The following KIF17 variants were observed in gnomAD, a reference collection of about 807,000 sequenced individuals.
KIF17 encodes the protein kinesin family member 17.
A neutral mutation model predicts 96.8 loss-of-function variants in KIF17; 80 were observed. The observed-to-expected ratio is 0.83, with a 90% CI of 0.69 to 1.00. The LOEUF (loss-of-function observed/expected upper bound fraction) is 1.00. Ranked by LOEUF, KIF17 falls within the 50% of genes least tolerant of loss-of-function variation. The probability of loss-of-function intolerance (pLI) is 0.00; values close to 1 mark genes in which losing one functional copy is unlikely to be tolerated. For missense variants in KIF17, 1,280 were observed against 1,372.9 expected (o/e 0.93, Z 1.07); for synonymous variants, 567 against 587.5 (o/e 0.97, Z 0.51).
Position 20,671,810 on chromosome 1 carries a change from C to T in KIF17, c.2722+128G>A, listed in dbSNP as rs2053651749. 9 of 1,152,326 alleles carry T rather than the reference C, an allele frequency of 7.8e-6. No individual in the cohort carries two copies. In the South Asian group the frequency reaches 1.3e-4, roughly 16 times the overall value. The allele number at this position is 1,152,326 out of a possible 1,614,324, so 71.4% of individuals were successfully genotyped here. On this transcript the variant is annotated intron_variant, in intron 12 of 14. Coordinates refer to ENST00000400463, the MANE Select transcript of KIF17 (RefSeq NM_001122819.3). ...CCACTTTCTCAGAGTCCTGACGCAT[C>T]AGGTACCCAGGGTCACGTGTCTTCT...
chr1:20,705,579 C>T (rs67962597), intron 4 of KIF17, among the ~76,000 whole-genome samples: 5,005 of 152,330 alleles, frequency 0.033, 125 homozygotes, highest in Middle Eastern at 0.048. Context: ...TCCACAGACA[C>T]GCTTTGAAGA....
chr1:20,670,821 C>A (rs2053635927), intron 12 of KIF17, among the ~76,000 whole-genome samples: 2 of 152,130 alleles, frequency 1.3e-5, no homozygotes, highest in African/African-American at 4.8e-5. Flanking sequence ...CAATAAACAT[C>A]AGAGATGTTG....
At chr1:20,705,940 ACT>A (rs2054334345) in intron 4 of KIF17, among the ~76,000 whole-genome samples, 1 of 113,872 alleles carries the variant, frequency 8.8e-6, no homozygotes, top group Non-Finnish European at 1.6e-5. Context: ...ACAGGGTCTC[ACT>A]CTGTCGCCCA....
In KIF17 at chr1:20,672,905, G is replaced by C. The variant is rs929975324; in HGVS notation, c.2464-709C>G. 6.3e-6 allele frequency: 1 copy of C among 158,216 alleles called. No homozygotes were observed. The highest frequency in any genetic ancestry group is 2.4e-5 in the African/African-American group (1 of 41,462). The allele number at this position is 158,216 out of a possible 1,614,324, so 9.8% of individuals were successfully genotyped here. A position where few individuals can be genotyped will look rare whatever the true frequency, so the allele number is the denominator to read the frequency against. On this transcript the variant is annotated intron_variant, in intron 11 of 14. Coordinates refer to ENST00000400463, the MANE Select transcript of KIF17 (RefSeq NM_001122819.3). This position sits in a 1 kb window ranked among gnomAD's most constrained non-coding sequence, Gnocchi z 4.3. Reference sequence around the variant, plus strand: ...CTGGTGCACAGTCTGTTTCCTCAAAGAGCAGGTACAGTCTGATTAGTAAAG... The same window carrying C: ...CTGGTGCACAGTCTGTTTCCTCAAACAGCAGGTACAGTCTGATTAGTAAAG...
At position 20,685,378 on chromosome 1, in the gene KIF17, C is replaced by T. The variant is rs1264942459; in HGVS notation, c.2020-358G>A. 4 of 429,884 alleles carry T rather than the reference C, an allele frequency of 9.3e-6. No homozygotes were observed. The highest frequency in any genetic ancestry group is 5.7e-5 in the East Asian group (1 of 17,614). 26.6% of individuals were successfully genotyped at this position (429,884 alleles called of 1,614,324 possible). On this transcript the variant is annotated intron_variant, in intron 9 of 14. Coordinates refer to ENST00000400463, the MANE Select transcript of KIF17 (RefSeq NM_001122819.3). This position sits in a 1 kb window ranked among gnomAD's most constrained non-coding sequence, Gnocchi z 4.1. ...CAGGAAAGTCCACTTTCCTCCCTGC[C>T]GGCTCCCTGCCTCCACGGCCTCCCC...
rs938046374 is a variant in KIF17 at position 20,700,050 on chromosome 1, G to A, written c.1124-1562C>T. On this transcript the variant is annotated intron_variant, in intron 5 of 14. Coordinates refer to ENST00000400463, the MANE Select transcript of KIF17 (RefSeq NM_001122819.3). This position sits in a 1 kb window ranked among gnomAD's most constrained non-coding sequence, Gnocchi z 4.6. ...TCAGTCTGGAGGGCAGCAGTGAACT[G>A]GCTGTAGCCAGTTTTTGTTTTGTTT... 1.3e-5 allele frequency among the ~76,000 whole-genome samples: 2 copies of A among 152,122 alleles called. No homozygotes were observed. Among genetic ancestry groups the A allele is most frequent in the African/African-American group, 4.8e-5 (2 of 41,430 alleles).
chr1:20,713,295 T>TA (rs1246468322), intron 3 of KIF17, among the ~76,000 whole-genome samples, 159 bp downstream of exon 3: 1 of 146,588 alleles, frequency 6.8e-6, no homozygotes, highest in Non-Finnish European at 1.5e-5. Flanking sequence ...TGCACCTGCC[T>TA]AAAAAAGTTT....
At chr1:20,688,044 G>GT (rs375133366) in intron 7 of KIF17, 100 bp from the exon 8 acceptor site, 16,715 of 859,264 alleles carry the variant, frequency 0.019, 55 homozygotes, top group African/African-American at 0.043. Context: ...TTTTTTGTTT[G>GT]TTTTTTTTTT....
rs764041281 is a variant in KIF17 at position 20,672,229 on chromosome 1, G to A, written c.2464-33C>T. ...CAAAGGATGACAAGCAGTGAGCAGG[G>A]AAAGATACCTCCCCTTCCATCTAAC... On this transcript the variant is annotated intron_variant, in intron 11 of 14. Transcript: ENST00000400463. This position sits in a 1 kb window ranked among gnomAD's most constrained non-coding sequence, Gnocchi z 4.3. The A allele has an allele frequency of 3.7e-6, 6 of 1,612,286 alleles. No homozygotes were observed. The African/African-American group carries it at 8.0e-5, about 22-fold the overall frequency.
intron 7 of KIF17, among the ~76,000 whole-genome samples, chr1:20,689,184 C>T (rs2053992339): frequency 6.6e-6 from 1 of 152,088 alleles, no homozygotes; most frequent in Admixed American, 6.6e-5. Context: ...CCACACAGTA[C>T]CCGGCACGTG....
chr1:20,691,206 C>A (rs1423930636), intron 6 of KIF17, among the ~76,000 whole-genome samples: 1 of 151,690 alleles, frequency 6.6e-6, no homozygotes, highest in Non-Finnish European at 1.5e-5. Context: ...GGCATGAGAC[C>A]ACTTGAACCT....
rs755255273 is a variant in KIF17 at position 20,713,541 on chromosome 1, A to G, written c.393T>C (p.Thr131=). The G allele has an allele frequency of 1.2e-6, 2 of 1,612,712 alleles. No homozygotes were observed. ...VFESVQCAEN[T]KFLVRASYLE... is the part of the protein sequence containing the mutation. ...GGTAGGAGGCCCGGACCAGGAACTT[A>G]GTGTTCTCTGCACACTGCAGGGAGT... Residue 131 remains threonine (T), a synonymous_variant, in exon 3 of 15, where the codon ACT becomes ACC. Coordinates refer to ENST00000400463, the MANE Select transcript of KIF17 (RefSeq NM_001122819.3).
At chr1:20,670,064 C>T (rs1125089) in intron 13 of KIF17, among the ~76,000 whole-genome samples, 138,491 of 150,774 alleles carry the variant, frequency 0.92, 64,310 homozygotes, top group Non-Finnish European at 0.99. Flanking sequence ...ATTACTGCTT[C>T]ATGAACCCTG....
At position 20,704,656 on chromosome 1, in the gene KIF17, T is replaced by C. The variant is rs1454417381; in HGVS notation, c.914A>G (p.Lys305Arg). ...CGACAGGCAGGCCACCATGAGCGTC[T>C]TGGTGTTGCCGCCCAGTGAGTCCTG... ...LLQDSLGGNT[K>R]TLMVACLSPA... The change falls in exon 5 of 15, where the codon AAG becomes AGG. Residue 305 changes from lysine (K) to arginine (R), a missense_variant. Physicochemically the swap from Lys to Arg is conservative, Grantham distance 26 (BLOSUM62 2). Coordinates refer to ENST00000400463, the MANE Select transcript of KIF17 (RefSeq NM_001122819.3). This position sits in a 1 kb window ranked among gnomAD's most constrained non-coding sequence, Gnocchi z 6.8. 1.9e-6 allele frequency: 3 copies of C among 1,614,014 alleles called. No homozygotes were observed. Among genetic ancestry groups the C allele is most frequent in the Non-Finnish European group, 8.5e-7 (1 of 1,180,002 alleles).
Position 20,670,464 on chromosome 1 carries a change from G to A in KIF17, c.2747C>T (p.Pro916Leu), listed in dbSNP as rs1265591759. 1.9e-6 allele frequency: 3 copies of A among 1,614,068 alleles called. No homozygotes were observed. The highest frequency in any genetic ancestry group is 2.5e-6 in the Non-Finnish European group (3 of 1,180,034). Residue 916 changes from proline to leucine, a missense_variant, in exon 13 of 15, where the codon CCA becomes CTA. Physicochemically the swap from Pro to Leu is moderately conservative, Grantham distance 98 (BLOSUM62 -3). Transcript: ENST00000400463. ...GTCTGCTGCAGAGGTTTTGCGGGCT[G>A]GTTTGTTCTGTGGCCCAGTTGAAAC... ...PVVSTGPQNK[P>L]ARKTSAADNG...
rs958626035 is a variant in KIF17, at chr1:20,670,553, G to C, written c.2723-65C>G. On this transcript the variant is annotated intron_variant, in intron 12 of 14. Transcript: ENST00000400463. ...GTGCAAGGCCTAGAGGAGGGCACAG[G>C]TGGAGGTGGGGGTCAGGCCTGGCTC... 6.7e-6 allele frequency: 10 copies of C among 1,486,928 alleles called. No homozygotes were observed. In the Admixed American group the frequency reaches 1.3e-4, roughly 20 times the overall value. 92.1% of individuals were successfully genotyped at this position (1,486,928 alleles called of 1,614,324 possible). A position where few individuals can be genotyped will look rare whatever the true frequency, so the allele number is the denominator to read the frequency against.
At chr1:20,701,536 CT>C (rs919800679) in intron 5 of KIF17, among the ~76,000 whole-genome samples, 28 of 152,184 alleles carry the variant, frequency 1.8e-4, no homozygotes, top group African/African-American at 6.8e-4. Context: ...GCGAAGCCAC[CT>C]GAGCAGCGAG....
At position 20,687,121 on chromosome 1, in the gene KIF17, C is replaced by T. The variant is rs560372070; in HGVS notation, c.1938+267G>A. 6.7e-4 allele frequency among the ~76,000 whole-genome samples: 102 copies of T among 152,306 alleles called. No individual in the cohort carries two copies. Among genetic ancestry groups the T allele is most frequent in the African/African-American group, 2.0e-3 (83 of 41,568 alleles). On this transcript the variant is annotated intron_variant, in intron 8 of 14. Transcript: ENST00000400463. The surrounding 1 kb of genome is among the most constrained non-coding windows in gnomAD (Gnocchi z 4.4). ...TACAGCTGTCCCTCCATCTGCAGAA[C>T]GGGAGCCCACCTGGCATAACCTTGC...
rs817785 is a variant in KIF17, at chr1:20,681,349, G to T, written c.2463+1304C>A. 3.3e-5 allele frequency among the ~76,000 whole-genome samples: 5 copies of T among 151,024 alleles called. No individual in the cohort carries two copies. In the South Asian group the frequency reaches 1.1e-3, roughly 32 times the overall value. On this transcript the variant is annotated intron_variant, in intron 11 of 14. Transcript: ENST00000400463. ...GGATTACAGCATGCGCCACCACGCC[G>T]GACTAATTTTTGTATTTTTTTTAGT... is the stretch of plus-strand genomic sequence containing the variant.
Sources: gnomAD v4.1 joint callset for allele counts (sites outside exome capture counted in the v4.1 genomes callset) on GRCh38, gnomAD v4.1.1 for gene constraint, Gnocchi (gnomAD v3.1) non-coding constraint, MANE v1.5 for transcripts, NCBI Gene and HGNC (gene_info 2026-07-23, HGNC 2026-07-21) for gene names.